Variants in HS6ST3 observed in about 807,000 individuals in gnomAD.
The protein encoded by HS6ST3 is heparan sulfate 6-O-sulfotransferase 3.
Under a neutral mutation model 36.7 loss-of-function variants are expected in HS6ST3, and 12 were observed. That is an observed-to-expected ratio of 0.33 (90% CI 0.21 to 0.53). The LOEUF is 0.53. Ranked by LOEUF, HS6ST3 falls within the 20% of genes least tolerant of loss-of-function variation. The probability of loss-of-function intolerance (pLI) is 0.95; values close to 1 mark genes in which losing one functional copy is unlikely to be tolerated. For synonymous variants in HS6ST3, 240 were observed against 257.5 expected (o/e 0.93, Z 0.65); for missense variants, 584 against 640.9 (o/e 0.91, Z 0.96).
At chr13:96,244,764 G>T (rs572127568) in intron 1 of HS6ST3, among the ~76,000 whole-genome samples, 13 of 152,264 alleles carry the variant, frequency 8.5e-5, no homozygotes, top group African/African-American at 3.1e-4. Flanking sequence ...GATATATTCT[G>T]CCAGGGATCG....
intron 1 of HS6ST3, among the ~76,000 whole-genome samples, chr13:96,701,374 G>A (rs752256285): frequency 2.6e-5 from 4 of 152,198 alleles, no homozygotes; most frequent in Non-Finnish European, 5.9e-5. Context: ...TCCACATTAT[G>A]TATAGACAAA....
At chr13:96,381,442 C>CTATCTATCT (rs1367550063) in intron 1 of HS6ST3, among the ~76,000 whole-genome samples, 1 of 151,602 alleles carries the variant, frequency 6.6e-6, no homozygotes, top group Non-Finnish European at 1.5e-5. Context: ...ATCTATCACT[C>CTATCTATCT]ATTCCAAGGC....
intron 1 of HS6ST3, among the ~76,000 whole-genome samples, chr13:96,419,043 A>G (rs1457511397): frequency 2.0e-5 from 3 of 152,246 alleles, no homozygotes; most frequent in Admixed American, 1.3e-4. Context: ...GGCTTTTTAC[A>G]GATTCTAAGT....
intron 1 of HS6ST3, among the ~76,000 whole-genome samples, chr13:96,500,619 A>T (rs542107635): frequency 1.8e-4 from 27 of 152,254 alleles, no homozygotes; most frequent in African/African-American, 6.0e-4. Context: ...CTAGGACATA[A>T]CTGAGCCATG....
chr13:96,679,589 A>G (rs2056711240), intron 1 of HS6ST3, among the ~76,000 whole-genome samples: 1 of 152,184 alleles, frequency 6.6e-6, no homozygotes, highest in African/African-American at 2.4e-5. Context: ...ATGCAGAGCC[A>G]AAGACAGTTT....
intron 1 of HS6ST3, among the ~76,000 whole-genome samples, chr13:96,529,693 T>C (rs1287136663): frequency 2.0e-5 from 3 of 152,224 alleles, no homozygotes; most frequent in African/African-American, 7.2e-5. Context: ...AATTCATTTA[T>C]GATTTTTGCT....
chr13:96,350,072 C>T (rs550057900), intron 1 of HS6ST3, among the ~76,000 whole-genome samples: 2 of 152,196 alleles, frequency 1.3e-5, no homozygotes, highest in African/African-American at 2.4e-5. Flanking sequence ...GTGTAGACTC[C>T]AAATCTGCAG....
chr13:96,410,395 C>A (rs1283315644), intron 1 of HS6ST3, among the ~76,000 whole-genome samples: 1 of 151,754 alleles, frequency 6.6e-6, no homozygotes, highest in Admixed American at 6.6e-5. Flanking sequence ...GCATGTATAG[C>A]CTCACTGATA....
intron 1 of HS6ST3, among the ~76,000 whole-genome samples, chr13:96,720,712 A>C (rs542933319): frequency 4.6e-5 from 7 of 152,350 alleles, no homozygotes; most frequent in African/African-American, 1.7e-4. Flanking sequence ...TCTTCTATTG[A>C]TGCAAAGCAA....
intron 1 of HS6ST3, among the ~76,000 whole-genome samples, chr13:96,432,188 C>T (rs2055619010): frequency 6.6e-6 from 1 of 152,136 alleles, no homozygotes; most frequent in South Asian, 2.1e-4. Flanking sequence ...AGCTAAGGTG[C>T]TCTCTTATGT....
chr13:96,516,695 A>G (rs1173037547), intron 1 of HS6ST3, among the ~76,000 whole-genome samples: 1 of 152,216 alleles, frequency 6.6e-6, no homozygotes, highest in African/African-American at 2.4e-5. Context: ...TTCAATGAAC[A>G]CATTTAAAAG....
chr13:96,128,972 A>G (rs1394183349), intron 1 of HS6ST3, among the ~76,000 whole-genome samples: 1 of 151,398 alleles, frequency 6.6e-6, no homozygotes, highest in Non-Finnish European at 1.5e-5. Context: ...CAGCCTCCCT[A>G]GTAGCTGGGA....
chr13:96,196,198 G>A (rs1441152464), intron 1 of HS6ST3, among the ~76,000 whole-genome samples: 1 of 152,098 alleles, frequency 6.6e-6, no homozygotes, highest in Non-Finnish European at 1.5e-5. Context: ...AGCCACCGCT[G>A]GTAGCCCGTA....
chr13:96,722,270 AAAAG>A (rs977083122), intron 1 of HS6ST3, among the ~76,000 whole-genome samples: 2 of 152,222 alleles, frequency 1.3e-5, no homozygotes, highest in East Asian at 1.9e-4. Context: ...GTCTAAAAAA[AAAAG>A]AAAGAAAGAA....
intron 1 of HS6ST3, among the ~76,000 whole-genome samples, chr13:96,159,232 G>C (rs1022708240): frequency 4.6e-5 from 7 of 152,154 alleles, no homozygotes; most frequent in African/African-American, 1.7e-4. Context: ...AAAGACACAA[G>C]GATCAATGAA....
At chr13:96,115,868 TAA>T (rs992475962) in intron 1 of HS6ST3, among the ~76,000 whole-genome samples, 1 of 152,222 alleles carries the variant, frequency 6.6e-6, no homozygotes, top group Non-Finnish European at 1.5e-5. Context: ...ACCAACAGTG[TAA>T]AAGTTTTCCT....
intron 1 of HS6ST3, among the ~76,000 whole-genome samples, chr13:96,237,303 T>C (rs1482383413): frequency 1.3e-5 from 2 of 152,182 alleles, no homozygotes; most frequent in African/African-American, 4.8e-5. Context: ...AATCTGTAAA[T>C]GCATCTACAT....
At chr13:96,543,249 A>G (rs775481786) in intron 1 of HS6ST3, among the ~76,000 whole-genome samples, 3 of 152,174 alleles carry the variant, frequency 2.0e-5, no homozygotes, top group African/African-American at 4.8e-5. Context: ...GCTGTACTTC[A>G]GTCATCCTCC....
intron 1 of HS6ST3, among the ~76,000 whole-genome samples, chr13:96,399,967 G>GA (rs1408934816): frequency 1.3e-5 from 2 of 151,332 alleles, no homozygotes; most frequent in East Asian, 3.9e-4. Flanking sequence ...AGAACCCAAA[G>GA]TTTTTTTTTC....
Sources: gnomAD v4.1 joint callset for allele counts (sites outside exome capture counted in the v4.1 genomes callset) on GRCh38, gnomAD v4.1.1 for gene constraint, MANE v1.5 for transcripts, NCBI Gene and HGNC (gene_info 2026-07-23, HGNC 2026-07-21) for gene names.